The following TTC38 variants were observed in gnomAD, a reference collection of about 807,000 sequenced individuals.
The protein encoded by TTC38 is tetratricopeptide repeat protein 38.
In TTC38, 64 loss-of-function variants were observed where a neutral mutation model predicts 64.2. The observed-to-expected ratio is 1.00, with a 90% confidence interval of 0.81 to 1.23. The LOEUF (loss-of-function observed/expected upper bound fraction) is 1.23. Ranked by LOEUF, TTC38 falls within the 50% of genes most tolerant of loss-of-function variation. The pLI is 0.00. For synonymous variants in TTC38, 254 were observed against 249.3 expected, an observed-to-expected ratio of 1.02 and a Z score of -0.18; for missense variants, 573 against 615.5, an observed-to-expected ratio of 0.93 and a Z score of 0.73.
chr22:46,288,501 A>G lies in TTC38; in HGVS notation c.995A>G (p.Asn332Ser). The G allele has an allele frequency of 6.2e-7, 1 of 1,613,974 alleles. No homozygotes were observed. Among genetic ancestry groups the G allele is most frequent in the East Asian group, 2.2e-5 (1 of 44,866 alleles). The change falls in exon 11 of 14, where the codon AAT (asparagine) becomes AGT (serine). Residue 332 changes from asparagine to serine, a missense_variant. Around this residue, in one of 3 missense-constraint regions of TTC38, gnomAD observed 371 missense variants for 381.8 expected, o/e 0.97. Transcript: ENST00000381031. The stretch of plus-strand genomic sequence containing the variant: ...AGCCGAGACCACATCCTGCTGTTCA[A>G]TGACGCACACTTCCTGATGGCATCC... ...KHSRDHILLF[N>S]DAHFLMASLG...
rs1244193775 is a variant in TTC38, at chr22:46,276,380, A to G, written c.539+959A>G. ...ATGGAGGGTAATCTGCTTTACTCAAATCGCATCTAGAAATACCTTCACGAG... is the reference window on the plus strand; with the variant it reads ...ATGGAGGGTAATCTGCTTTACTCAAGTCGCATCTAGAAATACCTTCACGAG... On this transcript the variant is annotated intron_variant, in intron 5 of 13. Coordinates refer to ENST00000381031, the MANE Select transcript of TTC38 (RefSeq NM_017931.4). The surrounding 1 kb of genome is among the most constrained non-coding windows in gnomAD (Gnocchi z 4.7). Among the ~76,000 whole-genome samples, 1 of 152,108 alleles carries G rather than the reference A, an allele frequency of 6.6e-6. No individual in the cohort carries two copies. The highest frequency in any genetic ancestry group is 2.4e-5 in the African/African-American group (1 of 41,416).
At chr22:46,277,605 C>CAA (rs130643) in intron 5 of TTC38, among the ~76,000 whole-genome samples, 23 of 66,536 alleles carry the variant, frequency 3.5e-4, no homozygotes, top group African/African-American at 1.0e-3. Context: ...ACTCTGTCTC[C>CAA]AAAAAAAAAA....
At chr22:46,268,630 G>T in intron 2 of TTC38, 39 bp downstream of exon 2, 1 of 1,587,546 alleles carries the variant, frequency 6.3e-7, no homozygotes. Context: ...CTTCTGTGGA[G>T]GTCTAGGGGA....
intron 2 of TTC38, among the ~76,000 whole-genome samples, chr22:46,269,556 G>C (rs1936847959): frequency 6.6e-6 from 1 of 152,178 alleles, no homozygotes; most frequent in Non-Finnish European, 1.5e-5. Flanking sequence ...CGTGGGTGGT[G>C]AGGCCCCTGC....
At chr22:46,289,707 G>T (rs560827949) in intron 12 of TTC38, 119 bp from the exon 13 acceptor site, 1 of 1,472,696 alleles carries the variant, frequency 6.8e-7, no homozygotes, top group South Asian at 1.1e-5. Context: ...TAAGTTCGTC[G>T]TTGAGGGTGT....
intron 6 of TTC38, 76 bp downstream of exon 6, chr22:46,278,737 C>A: frequency 8.4e-7 from 1 of 1,189,218 alleles, no homozygotes; most frequent in Non-Finnish European, 1.3e-6. Context: ...TGAGGGGCAC[C>A]ATTCGTGTGT....
chr22:46,285,045 C>T (rs2077561724), intron 8 of TTC38, among the ~76,000 whole-genome samples, 196 bp from the exon 9 acceptor site: 1 of 152,026 alleles, frequency 6.6e-6, no homozygotes, highest in African/African-American at 2.4e-5. Flanking sequence ...CACTGGGGAA[C>T]CAAAGCCCCG....
chr22:46,269,788 A>G (rs111582926), intron 2 of TTC38, among the ~76,000 whole-genome samples: 33 of 152,056 alleles, frequency 2.2e-4, no homozygotes, highest in African/African-American at 7.5e-4. Flanking sequence ...GCCTCTGTAG[A>G]GTACTCGATT....
At position 46,269,095 on chromosome 22, in the gene TTC38, C is replaced by CA. The variant is rs201857220; in HGVS notation, c.111+504_111+505insA. On this transcript the variant is annotated intron_variant, in intron 2 of 13. Coordinates refer to ENST00000381031, the MANE Select transcript of TTC38 (RefSeq NM_017931.4). ...GGGTGGGGACATATCTCTGCCCCCCCCCCACAGCGTCCTAAAAGGGCCTCT... is the reference window on the plus strand; with the variant it reads ...GGGTGGGGACATATCTCTGCCCCCCCACCCACAGCGTCCTAAAAGGGCCTCT... The CA allele has an allele frequency of 7.3e-3, 3,103 of 422,218 alleles. 96 individuals are homozygous for CA. Among genetic ancestry groups the CA allele is most frequent in the African/African-American group, 0.062 (2,850 of 45,980 alleles). The allele number at this position is 422,218 out of a possible 1,614,324, so 26.2% of individuals were successfully genotyped here.
At chr22:46,288,311 C>T in intron 10 of TTC38, 112 bp from the exon 11 acceptor site, 2 of 1,164,046 alleles carry the variant, frequency 1.7e-6, no homozygotes, top group Non-Finnish European at 1.2e-6. Context: ...CGGCCTCTCA[C>T]CTGGGACAGG....
intron 6 of TTC38, chr22:46,280,224 G>A (rs563623016): frequency 1.7e-5 from 8 of 470,502 alleles, no homozygotes; most frequent in East Asian, 7.0e-5. Context: ...GCAGGCAGGC[G>A]GCAGGCACAG....
chr22:46,291,857 G>A lies in TTC38; in HGVS notation c.1317-934G>A, dbSNP rs2077618526. On this transcript the variant is annotated intron_variant, in intron 13 of 13. Transcript: ENST00000381031. The surrounding 1 kb of genome is among the most constrained non-coding windows in gnomAD (Gnocchi z 4.6). ...TGTAATCCCGGCTAGTCGGGAGCCT[G>A]AGGCAGGAGAATCGCTTGAACCTGG... Among the ~76,000 whole-genome samples, 1 of 152,216 alleles carries A rather than the reference G, an allele frequency of 6.6e-6. No individual in the cohort carries two copies.
intron 6 of TTC38, among the ~76,000 whole-genome samples, chr22:46,278,864 C>A (rs537908221): frequency 6.6e-6 from 1 of 152,330 alleles, no homozygotes; most frequent in East Asian, 1.9e-4. Flanking sequence ...CCCCCAAAGT[C>A]CCCAGAGCCA....
chr22:46,289,940 G>C, intron 13 of TTC38, 41 bp downstream of exon 13: 1 of 1,574,562 alleles, frequency 6.4e-7, no homozygotes. Flanking sequence ...GACCTTCACA[G>C]GCTCTCCCTG....
rs1203186257 is a variant in TTC38 at position 46,281,254 on chromosome 22, G to A, written c.616-345G>A. Among the ~76,000 whole-genome samples the A allele has an allele frequency of 6.6e-6, 1 of 152,256 alleles. No individual in the cohort carries two copies. The highest frequency in any genetic ancestry group is 2.4e-5 in the African/African-American group (1 of 41,472). Reference sequence around the variant, plus strand: ...GGCAGCTGAGGCCCAGAGAGGGCGGGTATGTTTTGCAAGCACCTCAGCTGT... The same window carrying A: ...GGCAGCTGAGGCCCAGAGAGGGCGGATATGTTTTGCAAGCACCTCAGCTGT... On this transcript the variant is annotated intron_variant, in intron 6 of 13. Transcript: ENST00000381031. This position sits in a 1 kb window ranked among gnomAD's most constrained non-coding sequence, Gnocchi z 5.2.
intron 2 of TTC38, chr22:46,268,809 C>G (rs922155324): frequency 2.2e-5 from 11 of 497,678 alleles, no homozygotes; most frequent in East Asian, 7.5e-5. Flanking sequence ...CTCAGCCTCC[C>G]GAGTAGCTGG....
At chr22:46,278,752 C>A in intron 6 of TTC38, 91 bp downstream of exon 6, 2 of 1,005,612 alleles carry the variant, frequency 2.0e-6, no homozygotes, top group Non-Finnish European at 3.2e-6. Context: ...GTGTGTGACC[C>A]CGGCGAACCC....
In TTC38 at chr22:46,281,893, T is replaced by C. The variant is rs1444911886; in HGVS notation, c.735+175T>C. The C allele has an allele frequency of 3.6e-6, 3 of 833,814 alleles. No individual in the cohort carries two copies. The highest frequency in any genetic ancestry group is 5.5e-5 in the East Asian group (2 of 36,378). 51.7% of individuals were successfully genotyped at this position (833,814 alleles called of 1,614,324 possible). ...CTGCTGAGCAGAATGCAATCAAGATTCCAGTCCCCACCCCAGGCCCATACC... is the reference window on the plus strand; with the variant it reads ...CTGCTGAGCAGAATGCAATCAAGATCCCAGTCCCCACCCCAGGCCCATACC... On this transcript the variant is annotated intron_variant, in intron 7 of 13. Transcript: ENST00000381031. This position sits in a 1 kb window ranked among gnomAD's most constrained non-coding sequence, Gnocchi z 5.2.
At chr22:46,284,065 C>A in intron 8 of TTC38, 33 bp downstream of exon 8, 1 of 1,559,314 alleles carries the variant, frequency 6.4e-7, no homozygotes, top group Non-Finnish European at 8.8e-7. Flanking sequence ...CTGTCTTATC[C>A]TATAAAGATG....
Sources: allele counts gnomAD v4.1 joint callset (sites outside exome capture counted in the v4.1 genomes callset), GRCh38; gene constraint gnomAD v4.1.1; regional missense constraint gnomAD v4.1.1; non-coding constraint Gnocchi (gnomAD v3.1); transcripts MANE v1.5; gene names NCBI Gene and HGNC (gene_info 2026-07-23, HGNC 2026-07-21).